CDH13: variants seen among roughly 807,000 people sequenced by gnomAD.
CDH13 encodes the protein cadherin 13.
Under a neutral mutation model 63.8 loss-of-function variants are expected in CDH13, and 24 were observed. The observed-to-expected ratio is 0.38, with a 90% CI of 0.27 to 0.53. The LOEUF is 0.53. Ranked by LOEUF, CDH13 falls within the 20% of genes least tolerant of loss-of-function variation. The pLI, the probability that CDH13 is intolerant of heterozygous loss-of-function variation, is 0.85. For missense variants in CDH13, 1,049 were observed against 903.1 expected (o/e 1.16, Z -2.07); for synonymous variants, 503 against 355.3 (o/e 1.42, Z -4.67).
intron 5 of CDH13, among the ~76,000 whole-genome samples, chr16:83,281,410 G>A (rs1029823501): frequency 6.6e-6 from 1 of 152,190 alleles, no homozygotes; most frequent in East Asian, 1.9e-4. Flanking sequence ...TGAATGTTGT[G>A]AGTAGTTTGA....
chr16:83,257,629 T>G (rs552520935), intron 5 of CDH13, among the ~76,000 whole-genome samples: 1 of 152,380 alleles, frequency 6.6e-6, no homozygotes, highest in East Asian at 1.9e-4. Context: ...TAGTATTGTG[T>G]GGCGTATATG....
At chr16:83,291,870 C>A (rs1005307921) in intron 5 of CDH13, among the ~76,000 whole-genome samples, 1 of 152,158 alleles carries the variant, frequency 6.6e-6, no homozygotes, top group Non-Finnish European at 1.5e-5. Flanking sequence ...TTCTATGATT[C>A]TTTTCCATAT....
At chr16:82,645,577 C>A (rs1416589121) in intron 1 of CDH13, among the ~76,000 whole-genome samples, 1 of 152,080 alleles carries the variant, frequency 6.6e-6, no homozygotes, top group African/African-American at 2.4e-5. Flanking sequence ...AAAAGGTTAT[C>A]CTGACCCAAA....
intron 11 of CDH13, among the ~76,000 whole-genome samples, chr16:83,763,874 G>T (rs1446591308): frequency 8.5e-5 from 13 of 152,120 alleles, no homozygotes; most frequent in Non-Finnish European, 1.8e-4. Flanking sequence ...AGCCATTGGA[G>T]GGGCAGCACA....
chr16:83,338,125 A>T (rs1004532567), intron 5 of CDH13, among the ~76,000 whole-genome samples: 1 of 151,100 alleles, frequency 6.6e-6, no homozygotes, highest in African/African-American at 2.4e-5. Context: ...CAAATGAGAC[A>T]GTGCAAAAAA....
At chr16:82,869,342 G>A (rs1311272072) in intron 2 of CDH13, among the ~76,000 whole-genome samples, 2 of 151,228 alleles carry the variant, frequency 1.3e-5, no homozygotes, top group African/African-American at 2.4e-5. Flanking sequence ...TGCGCTCAGC[G>A]GGAATTTTTT....
At chr16:83,161,334 C>T (rs1035617724) in intron 4 of CDH13, among the ~76,000 whole-genome samples, 1 of 150,760 alleles carries the variant, frequency 6.6e-6, no homozygotes, top group African/African-American at 2.5e-5. Flanking sequence ...TATTGAGCTT[C>T]TATATTAAAG....
At chr16:83,423,710 A>G (rs1319415779) in intron 6 of CDH13, among the ~76,000 whole-genome samples, 2 of 152,216 alleles carry the variant, frequency 1.3e-5, no homozygotes, top group Admixed American at 6.5e-5. Context: ...ATTATTGTAT[A>G]TTAAACCCTA....
chr16:83,370,387 CAAAAAAA>C (rs760385414), intron 6 of CDH13, among the ~76,000 whole-genome samples: 1 of 104,582 alleles, frequency 9.6e-6, no homozygotes, highest in Non-Finnish European at 2.0e-5. Flanking sequence ...GACTCCATTT[CAAAAAAA>C]AAAAAAAAAA....
intron 3 of CDH13, among the ~76,000 whole-genome samples, chr16:83,071,277 G>A (rs913196011): frequency 4.6e-5 from 7 of 152,120 alleles, no homozygotes; most frequent in African/African-American, 1.4e-4. Flanking sequence ...CTTCAGCAGC[G>A]TATTATTTAA....
At chr16:83,217,564 C>T in intron 5 of CDH13, 67 bp downstream of exon 5, 2 of 1,498,194 alleles carry the variant, frequency 1.3e-6, no homozygotes, top group Middle Eastern at 2.1e-4. Context: ...GTTTTCTTCC[C>T]ACTGAGCTCA....
intron 2 of CDH13, among the ~76,000 whole-genome samples, chr16:82,933,158 A>T (rs563099764): frequency 5.9e-5 from 9 of 152,274 alleles, no homozygotes; most frequent in Middle Eastern, 6.8e-3. Context: ...CCATGAAGAC[A>T]TACTTCAGAC....
intron 2 of CDH13, among the ~76,000 whole-genome samples, chr16:82,949,554 T>G (rs1197934615): frequency 6.6e-6 from 1 of 152,204 alleles, no homozygotes; most frequent in East Asian, 1.9e-4. Context: ...GGTCAATATT[T>G]CAATGCGTGC....
chr16:83,054,844 C>G (rs1001071185), intron 3 of CDH13, among the ~76,000 whole-genome samples: 2 of 151,976 alleles, frequency 1.3e-5, no homozygotes, highest in African/African-American at 2.4e-5. Context: ...ATAGATTTTA[C>G]TAAACAAAAT....
intron 1 of CDH13, 112 bp downstream of exon 1, chr16:82,627,249 G>A: frequency 2.2e-6 from 2 of 896,100 alleles, no homozygotes; most frequent in Admixed American, 2.0e-5. Context: ...GGTCGCGGCG[G>A]CGAAGACAGA....
chr16:82,835,647 T>C (rs1429711590), intron 1 of CDH13, among the ~76,000 whole-genome samples: 3 of 152,186 alleles, frequency 2.0e-5, no homozygotes, highest in Admixed American at 6.5e-5. Flanking sequence ...TATGAGGAAA[T>C]GCTCTGTCCC....
At chr16:82,730,362 C>G (rs905364011) in intron 1 of CDH13, among the ~76,000 whole-genome samples, 1 of 152,092 alleles carries the variant, frequency 6.6e-6, no homozygotes, top group African/African-American at 2.4e-5. Flanking sequence ...TATTCATTGG[C>G]CAAATTTCAT....
intron 2 of CDH13, among the ~76,000 whole-genome samples, chr16:82,906,838 C>A (rs1230601566): frequency 6.6e-6 from 1 of 152,138 alleles, no homozygotes; most frequent in African/African-American, 2.4e-5. Flanking sequence ...ACCTCTGCTT[C>A]CATTGTCTCA....
At chr16:82,714,757 A>G (rs62036347) in intron 1 of CDH13, among the ~76,000 whole-genome samples, 19,904 of 139,220 alleles carry the variant, frequency 0.14, 1,751 homozygotes, top group East Asian at 0.23. Context: ...CGACACACAG[A>G]GAACTTGTGT....
Sources: gnomAD v4.1 joint callset for allele counts (sites outside exome capture counted in the v4.1 genomes callset) on GRCh38, gnomAD v4.1.1 for gene constraint, MANE v1.5 for transcripts, NCBI Gene and HGNC (gene_info 2026-07-23, HGNC 2026-07-21) for gene names.